The following CAST variants were observed in gnomAD, a reference collection of about 807,000 sequenced individuals.
CAST encodes calpastatin, also known as MIR583 host.
CAST carries 76 observed loss-of-function variants against 119.6 expected under a neutral mutation model. The observed-to-expected ratio is 0.64, with a 90% confidence interval of 0.53 to 0.77. CAST has a LOEUF of 0.77. Among genes scored for constraint, CAST ranks in the 30% least tolerant of loss-of-function variants. The pLI is 0.00. For synonymous variants in CAST, 319 were observed against 331.6 expected, an observed-to-expected ratio of 0.96 and a Z score of 0.41; for missense variants, 953 against 946.5, an observed-to-expected ratio of 1.01 and a Z score of -0.09.
In CAST at chr5:96,765,327, TAAAAAAAA is replaced by T. The variant is rs59338324; in HGVS notation, c.2037+21_2037+28del. 8.3e-4 allele frequency: 424 copies of T among 511,646 alleles called. No homozygotes were observed. Among genetic ancestry groups the T allele is most frequent in the Admixed American group, 2.2e-3 (49 of 22,716 alleles). 31.7% of individuals were successfully genotyped at this position (511,646 alleles called of 1,614,324 possible). A position where few individuals can be genotyped will look rare whatever the true frequency, so the allele number is the denominator to read the frequency against. On this transcript the variant is annotated splice_donor_5th_base_variant and intron_variant, in intron 26 of 31. Coordinates refer to ENST00000675179, the MANE Select transcript of CAST (RefSeq NM_001750.7). ...AAACCAATGGAAGATAAAGTAAAGG[TAAAAAAAA>T]AAAAAAAAAAAAAAAAAATTCACTA...
chr5:96,178,297 A>T, the CAST span, among the ~76,000 whole-genome samples: 1 of 152,192 alleles, frequency 6.6e-6, no homozygotes, highest in Non-Finnish European at 1.5e-5. Flanking sequence ...ATTTCTGGGA[A>T]AACATAGACC....
chr5:96,156,432 T>C, the CAST span, among the ~76,000 whole-genome samples: 37 of 152,322 alleles, frequency 2.4e-4, no homozygotes, highest in Non-Finnish European at 4.0e-4. Context: ...TTTCATTTGG[T>C]CCCTATGACA....
intron 2 of CAST, among the ~76,000 whole-genome samples, chr5:96,683,463 T>C (rs1267449920): frequency 6.6e-6 from 1 of 152,216 alleles, no homozygotes; most frequent in Non-Finnish European, 1.5e-5. Context: ...TGAATCAAGC[T>C]CCTCTATTCT....
intron 1 of CAST, among the ~76,000 whole-genome samples, chr5:96,636,841 C>T (rs1747892954): frequency 2.0e-5 from 3 of 151,926 alleles, no homozygotes; most frequent in South Asian, 2.1e-4. Flanking sequence ...TTCTGCTGCA[C>T]TCTGGAGCTG....
the CAST span, among the ~76,000 whole-genome samples, chr5:96,286,881 A>T: frequency 6.6e-6 from 1 of 152,178 alleles, no homozygotes; most frequent in Non-Finnish European, 1.5e-5. Context: ...GTTGTACATG[A>T]TACAAATGTT....
chr5:96,753,515 C>T (rs1341952048), intron 20 of CAST, among the ~76,000 whole-genome samples: 1 of 152,200 alleles, frequency 6.6e-6, no homozygotes. Flanking sequence ...AGACAGTTCT[C>T]ACTGTGCCAT....
At chr5:96,616,182 C>A (rs546478903) in intron 1 of CAST, among the ~76,000 whole-genome samples, 1 of 152,196 alleles carries the variant, frequency 6.6e-6, no homozygotes, top group African/African-American at 2.4e-5. Context: ...CACCCAGGAT[C>A]GATACTTTGC....
At chr5:96,513,566 G>A in the CAST span, among the ~76,000 whole-genome samples, 1 of 152,158 alleles carries the variant, frequency 6.6e-6, no homozygotes, top group African/African-American at 2.4e-5. Flanking sequence ...AAAGGCAACT[G>A]GGTATAAATA....
At chr5:96,583,365 C>A (rs1746800059) in intron 1 of CAST, among the ~76,000 whole-genome samples, 1 of 152,080 alleles carries the variant, frequency 6.6e-6, no homozygotes, top group African/African-American at 2.4e-5. Flanking sequence ...ACACTCAGTT[C>A]TTTCTCTATT....
At chr5:96,201,041 T>C in the CAST span, among the ~76,000 whole-genome samples, 1 of 152,124 alleles carries the variant, frequency 6.6e-6, no homozygotes, top group East Asian at 1.9e-4. Context: ...CAGAGAAAAG[T>C]AGGCAGATAT....
the CAST span, among the ~76,000 whole-genome samples, chr5:96,211,577 T>C: frequency 6.6e-6 from 1 of 152,078 alleles, no homozygotes; most frequent in African/African-American, 2.4e-5. Flanking sequence ...TGTATTTTCA[T>C]GAGTGATATT....
chr5:96,050,989 T>C, the CAST span, among the ~76,000 whole-genome samples: 1 of 152,194 alleles, frequency 6.6e-6, no homozygotes, highest in Admixed American at 6.5e-5. Context: ...AAAATACTGG[T>C]GAGACAAAGG....
chr5:96,524,304 T>G (rs1745564681), upstream of CAST, among the ~76,000 whole-genome samples: 1 of 152,090 alleles, frequency 6.6e-6, no homozygotes, highest in African/African-American at 2.4e-5. Context: ...ATAAAACTGG[T>G]TTCTGATTTG....
the CAST span, among the ~76,000 whole-genome samples, chr5:96,106,184 A>G: frequency 6.6e-6 from 1 of 151,970 alleles, no homozygotes; most frequent in Non-Finnish European, 1.5e-5. Flanking sequence ...TCAAAAAACT[A>G]GCTCCTGGAT....
At chr5:96,456,878 A>G in the CAST span, among the ~76,000 whole-genome samples, 1 of 152,144 alleles carries the variant, frequency 6.6e-6, no homozygotes, top group Admixed American at 6.5e-5. Context: ...ACGAGATCTG[A>G]TGGCTTTATA....
chr5:96,470,883 A>C, the CAST span, among the ~76,000 whole-genome samples: 28 of 152,256 alleles, frequency 1.8e-4, 1 homozygote, highest in Admixed American at 1.7e-3. Flanking sequence ...TAAGTACTAT[A>C]GCTATAAATC....
chr5:96,341,318 A>G, the CAST span, among the ~76,000 whole-genome samples: 4 of 148,904 alleles, frequency 2.7e-5, no homozygotes, highest in African/African-American at 1.0e-4. Flanking sequence ...ATTCCTGCCC[A>G]CTCCCATCCC....
the CAST span, among the ~76,000 whole-genome samples, chr5:96,404,436 C>A: frequency 6.6e-6 from 1 of 152,154 alleles, no homozygotes; most frequent in Non-Finnish European, 1.5e-5. Flanking sequence ...TGAGAAACAT[C>A]GCTTTGGGGA....
At chr5:96,039,751 T>C in the CAST span, among the ~76,000 whole-genome samples, 1 of 152,236 alleles carries the variant, frequency 6.6e-6, no homozygotes, top group Admixed American at 6.5e-5. Context: ...TTGATACCAG[T>C]ATCATGCTGT....
Sources: gnomAD v4.1 joint callset for allele counts (sites outside exome capture counted in the v4.1 genomes callset) on GRCh38, gnomAD v4.1.1 for gene constraint, MANE v1.5 for transcripts, NCBI Gene and HGNC (gene_info 2026-07-23, HGNC 2026-07-21) for gene names.